TTC29: variants seen among roughly 807,000 people sequenced by gnomAD.
TTC29 encodes the protein tetratricopeptide repeat protein 29.
In TTC29, 49 loss-of-function variants were observed where a neutral mutation model predicts 58.1. The ratio of observed to expected loss-of-function variants is 0.84; its 90% CI spans 0.67 to 1.07. The LOEUF is 1.07. Ranked by LOEUF, TTC29 falls within the 50% of genes least tolerant of loss-of-function variation. The probability of loss-of-function intolerance (pLI) is 0.00; values close to 1 mark genes in which losing one functional copy is unlikely to be tolerated. For synonymous variants in TTC29, 209 were observed against 196.8 expected, an observed-to-expected ratio of 1.06 and a Z score of -0.52; for missense variants, 582 against 555.6, an observed-to-expected ratio of 1.05 and a Z score of -0.48.
chr4:146,707,582 T>A (rs753184010), intron 11 of TTC29, 31 bp from the exon 12 acceptor site: 1 of 1,454,198 alleles, frequency 6.9e-7, no homozygotes, highest in South Asian at 1.2e-5. Context: ...GTTAATAGAT[T>A]ATCATGAACA....
At chr4:146,761,291 T>C (rs1746878082) in intron 11 of TTC29, among the ~76,000 whole-genome samples, 6 of 151,962 alleles carry the variant, frequency 3.9e-5, no homozygotes, top group Admixed American at 3.9e-4. Context: ...TCTTAGGTGA[T>C]AGGCAGCTAC....
chr4:146,821,180 A>AAGCCT (rs1301754716), intron 9 of TTC29, among the ~76,000 whole-genome samples: 1 of 152,224 alleles, frequency 6.6e-6, no homozygotes. Context: ...GATGGAAAGT[A>AAGCCT]GGCTAGTGGT....
chr4:146,818,941 G>C (rs1306379213), intron 10 of TTC29, among the ~76,000 whole-genome samples: 1 of 151,884 alleles, frequency 6.6e-6, no homozygotes, highest in African/African-American at 2.4e-5. Context: ...TTGTGGGGTG[G>C]GGGATGGGGG....
At chr4:146,852,632 T>A (rs1459427315) in intron 8 of TTC29, among the ~76,000 whole-genome samples, 1 of 152,350 alleles carries the variant, frequency 6.6e-6, no homozygotes, top group African/African-American at 2.4e-5. Context: ...CCCTGTTGCT[T>A]CTCTAGCTCT....
chr4:146,890,957 C>A (rs1466620329), intron 6 of TTC29, among the ~76,000 whole-genome samples: 1 of 151,922 alleles, frequency 6.6e-6, no homozygotes. Context: ...GACATAATAT[C>A]AAGGATGAAG....
chr4:146,837,025 C>T (rs1561173917), intron 8 of TTC29, among the ~76,000 whole-genome samples: 1 of 151,988 alleles, frequency 6.6e-6, no homozygotes, highest in African/African-American at 2.4e-5. Flanking sequence ...AATTATTCTA[C>T]CATAAAGACA....
chr4:146,839,388 C>T (rs1263269056), intron 8 of TTC29, among the ~76,000 whole-genome samples: 1 of 151,970 alleles, frequency 6.6e-6, no homozygotes, highest in Admixed American at 6.6e-5. Flanking sequence ...TGATGTATAT[C>T]TCAATTACCT....
chr4:146,829,459 C>T (rs1412416871), intron 9 of TTC29, among the ~76,000 whole-genome samples: 5 of 152,106 alleles, frequency 3.3e-5, no homozygotes, highest in African/African-American at 1.2e-4. Context: ...ATTGTGCCAC[C>T]AAGTTTGTGG....
At chr4:146,849,368 A>G (rs1056242562) in intron 8 of TTC29, among the ~76,000 whole-genome samples, 1 of 152,130 alleles carries the variant, frequency 6.6e-6, no homozygotes, top group East Asian at 1.9e-4. Context: ...GTTCTTCAGC[A>G]CTGTGATAGG....
intron 4 of TTC29, among the ~76,000 whole-genome samples, chr4:146,915,805 C>A (rs1281823066): frequency 1.3e-5 from 2 of 151,450 alleles, no homozygotes; most frequent in African/African-American, 2.4e-5. Context: ...ATTATGGAAT[C>A]AAGATGAAGC....
In TTC29 at chr4:146,746,319, T is replaced by G. The variant is rs541580885; in HGVS notation, c.1331-38768A>C. ...CAACACTGTGTAGGACTCGTTAGTA[T>G]GCTCAACAAAGAATAGACAGTTGCA... On this transcript the variant is annotated intron_variant, in intron 11 of 12. Coordinates refer to ENST00000325106, the MANE Select transcript of TTC29 (RefSeq NM_031956.4). 1.2e-4 allele frequency among the ~76,000 whole-genome samples: 18 copies of G among 152,218 alleles called. No homozygotes were observed. In the East Asian group the frequency reaches 3.5e-3, roughly 29 times the overall value.
chr4:146,937,818 C>T (rs1380723180), intron 3 of TTC29, 141 bp from the exon 4 acceptor site: 3 of 464,548 alleles, frequency 6.5e-6, no homozygotes, highest in Non-Finnish European at 1.1e-5. Context: ...AGAGTTAGGT[C>T]GTTGGTTGAT....
intron 7 of TTC29, among the ~76,000 whole-genome samples, chr4:146,869,311 G>C (rs1379663750): frequency 6.6e-6 from 1 of 152,102 alleles, no homozygotes; most frequent in Admixed American, 6.6e-5. Flanking sequence ...GCGGCTCTTT[G>C]AAGACTTCAA....
chr4:146,737,420 A>G (rs938187076), intron 11 of TTC29, among the ~76,000 whole-genome samples: 6 of 152,142 alleles, frequency 3.9e-5, no homozygotes, highest in African/African-American at 1.2e-4. Flanking sequence ...CAGTGCAAAC[A>G]CAGCATCAAT....
intron 6 of TTC29, among the ~76,000 whole-genome samples, chr4:146,890,105 G>A (rs183134264): frequency 2.0e-3 from 297 of 152,082 alleles, no homozygotes; most frequent in African/African-American, 6.9e-3. Context: ...GTTTCCTGGA[G>A]CTGTCATAAA....
At chr4:146,823,482 T>C (rs1751979082) in intron 9 of TTC29, among the ~76,000 whole-genome samples, 1 of 152,224 alleles carries the variant, frequency 6.6e-6, no homozygotes, top group African/African-American at 2.4e-5. Flanking sequence ...TTGGTATGAG[T>C]ACCATGCTGT....
Position 146,754,625 on chromosome 4 carries a change from T to G in TTC29, c.1331-47074A>C, listed in dbSNP as rs139430167. 3.7e-3 allele frequency among the ~76,000 whole-genome samples: 563 copies of G among 152,202 alleles called. 7 individuals carry two copies. Among genetic ancestry groups the G allele is most frequent in the South Asian group, 0.012 (59 of 4,822 alleles). On this transcript the variant is annotated intron_variant, in intron 11 of 12. Transcript: ENST00000325106. ...ATAAGGCTGGTTTAACATATGCAAA[T>G]CAATCAATATGATACATCACATTAA...
chr4:146,803,325 T>A lies in TTC29; in HGVS notation c.1330+132A>T, dbSNP rs1750363080. The A allele has an allele frequency of 5.9e-5, 39 of 665,542 alleles. 2 individuals carry two copies. The South Asian group carries it at 7.8e-4, about 13-fold the overall frequency. The allele number at this position is 665,542 out of a possible 1,614,324, so 41.2% of individuals were successfully genotyped here. On this transcript the variant is annotated intron_variant, in intron 11 of 12. Coordinates refer to ENST00000325106, the MANE Select transcript of TTC29 (RefSeq NM_031956.4). ...AAAAGTATATCCAACCTTCATGTAG[T>A]AATGGATCCATAAAATTGAAATTAC...
At chr4:146,783,761 G>A (rs925365893) in intron 11 of TTC29, among the ~76,000 whole-genome samples, 1 of 151,788 alleles carries the variant, frequency 6.6e-6, no homozygotes, top group Admixed American at 6.6e-5. Flanking sequence ...CATTATAGGA[G>A]CATCTCAGAA....
Sources: gnomAD v4.1 joint callset for allele counts (sites outside exome capture counted in the v4.1 genomes callset) on GRCh38, gnomAD v4.1.1 for gene constraint, MANE v1.5 for transcripts, NCBI Gene and HGNC (gene_info 2026-07-23, HGNC 2026-07-21) for gene names.